Variants in PTPRT observed in about 807,000 individuals in gnomAD.
The protein encoded by PTPRT is receptor-type tyrosine-protein phosphatase T.
Under a neutral mutation model 176.8 loss-of-function variants are expected in PTPRT, and 56 were observed. The ratio of observed to expected loss-of-function variants is 0.32; its 90% CI spans 0.26 to 0.40. The LOEUF (loss-of-function observed/expected upper bound fraction) is 0.40. Among genes scored for constraint, PTPRT ranks in the 10% least tolerant of loss-of-function variants. The probability of loss-of-function intolerance (pLI) is 1.00; values close to 1 mark genes in which losing one functional copy is unlikely to be tolerated. For missense variants in PTPRT, 1,540 were observed against 1,908.2 expected (o/e 0.81, Z 3.60); for synonymous variants, 783 against 739.0 (o/e 1.06, Z -0.96).
At chr20:42,457,998 T>C (rs1264666961) in intron 8 of PTPRT, among the ~76,000 whole-genome samples, 1 of 152,148 alleles carries the variant, frequency 6.6e-6, no homozygotes, top group African/African-American at 2.4e-5. Context: ...CGCCCACTCC[T>C]GTTTTTAGCA....
Position 43,007,588 on chromosome 20 carries a change from G to T in PTPRT, c.89-121656C>A, listed in dbSNP as rs141930892. 6.8e-4 allele frequency among the ~76,000 whole-genome samples: 104 copies of T among 152,286 alleles called. No individual in the cohort carries two copies. The Middle Eastern group carries it at 0.01, about 15-fold the overall frequency. Reference sequence around the variant, plus strand: ...ATTATCCAATTTGAACCATGTAGGGGAATGTCTGGACAGAGCTCAGCAGAC... The same window carrying T: ...ATTATCCAATTTGAACCATGTAGGGTAATGTCTGGACAGAGCTCAGCAGAC... On this transcript the variant is annotated intron_variant, in intron 1 of 30. Transcript: ENST00000373187.
chr20:43,123,252 G>C (rs1277731320), intron 1 of PTPRT, among the ~76,000 whole-genome samples: 2 of 152,232 alleles, frequency 1.3e-5, no homozygotes, highest in Non-Finnish European at 2.9e-5. Flanking sequence ...ACAAGGGGAA[G>C]AGTAAAACTG....
intron 14 of PTPRT, among the ~76,000 whole-genome samples, chr20:42,242,383 A>G (rs2056371747): frequency 6.6e-6 from 1 of 152,210 alleles, no homozygotes; most frequent in African/African-American, 2.4e-5. Flanking sequence ...GGCACACTGG[A>G]GATGAAGATG....
chr20:42,318,771 G>C (rs982455173), intron 11 of PTPRT, among the ~76,000 whole-genome samples: 2 of 152,078 alleles, frequency 1.3e-5, no homozygotes, highest in Non-Finnish European at 2.9e-5. Context: ...TGCTTTCTCA[G>C]ACAGACTTCC....
intron 29 of PTPRT, among the ~76,000 whole-genome samples, chr20:42,083,823 A>T (rs1983603066): frequency 6.6e-6 from 1 of 152,350 alleles, no homozygotes; most frequent in Non-Finnish European, 1.5e-5. Context: ...AAGCAAAGTG[A>T]GTGTGAATCA....
At chr20:42,333,322 A>T (rs1186129481) in intron 11 of PTPRT, among the ~76,000 whole-genome samples, 1 of 152,168 alleles carries the variant, frequency 6.6e-6, no homozygotes, top group Non-Finnish European at 1.5e-5. Context: ...TATATTATTT[A>T]TATTAATATG....
chr20:42,645,327 T>A (rs944643486), intron 7 of PTPRT, among the ~76,000 whole-genome samples: 1 of 152,154 alleles, frequency 6.6e-6, no homozygotes, highest in Non-Finnish European at 1.5e-5. Flanking sequence ...GCGACCCTCA[T>A]CCAATGTCGG....
chr20:42,702,835 T>C (rs1262030118), intron 6 of PTPRT, among the ~76,000 whole-genome samples: 1 of 152,186 alleles, frequency 6.6e-6, no homozygotes, highest in Non-Finnish European at 1.5e-5. Flanking sequence ...CTAACACAGT[T>C]TATACTTCCC....
At chr20:43,055,033 T>C (rs532839164) in intron 1 of PTPRT, among the ~76,000 whole-genome samples, 2 of 152,316 alleles carry the variant, frequency 1.3e-5, no homozygotes, top group South Asian at 2.1e-4. Flanking sequence ...CACTCCTGAT[T>C]TCTAAAATCT....
chr20:42,605,591 G>C (rs2073862020), intron 7 of PTPRT, among the ~76,000 whole-genome samples: 1 of 152,186 alleles, frequency 6.6e-6, no homozygotes, highest in Non-Finnish European at 1.5e-5. Context: ...TCATACCTTG[G>C]AGGAAAGGGT....
At position 42,314,266 on chromosome 20, in the gene PTPRT, C is replaced by T. The variant is rs569330930; in HGVS notation, c.2139+1457G>A. 6.1e-4 allele frequency among the ~76,000 whole-genome samples: 93 copies of T among 152,082 alleles called. 1 individual carries two copies. Among genetic ancestry groups the T allele is most frequent in the Non-Finnish European group, 1.1e-3 (75 of 68,022 alleles). On this transcript the variant is annotated intron_variant, in intron 12 of 30. Coordinates refer to ENST00000373187, the MANE Select transcript of PTPRT (RefSeq NM_007050.6). Reference sequence around the variant, plus strand: ...CTTTGGGGCTGGGCACGGTGGCTCACGCCTGTAATCCCAGCACTTTGGGAG... The same window carrying T: ...CTTTGGGGCTGGGCACGGTGGCTCATGCCTGTAATCCCAGCACTTTGGGAG...
intron 6 of PTPRT, among the ~76,000 whole-genome samples, chr20:42,697,108 C>T (rs6102993): frequency 0.077 from 11,686 of 151,942 alleles, 498 homozygotes; most frequent in South Asian, 0.16. Context: ...AAGGTACAAG[C>T]GGATGCACCA....
chr20:42,082,721 A>T (rs1237404928), intron 29 of PTPRT, among the ~76,000 whole-genome samples: 1 of 152,226 alleles, frequency 6.6e-6, no homozygotes, highest in Non-Finnish European at 1.5e-5. Context: ...CTCCTTTCTG[A>T]AACTCCATAA....
At chr20:42,245,483 C>G (rs911386033) in intron 14 of PTPRT, among the ~76,000 whole-genome samples, 1 of 152,212 alleles carries the variant, frequency 6.6e-6, no homozygotes, top group Non-Finnish European at 1.5e-5. Flanking sequence ...CTCCCTCCCC[C>G]CGTTACAAAA....
intron 1 of PTPRT, 55 bp from the exon 2 acceptor site, chr20:42,885,987 T>C: frequency 6.7e-7 from 1 of 1,487,648 alleles, no homozygotes. Flanking sequence ...GCTTGGTTCG[T>C]TACCTCTGTC....
At chr20:42,853,283 T>C (rs1402280351) in intron 2 of PTPRT, among the ~76,000 whole-genome samples, 14 of 152,154 alleles carry the variant, frequency 9.2e-5, no homozygotes, top group Admixed American at 7.9e-4. Flanking sequence ...TATATAAAGA[T>C]ATATAAGAGG....
chr20:43,075,531 T>C (rs2011253239), intron 1 of PTPRT, among the ~76,000 whole-genome samples: 2 of 152,374 alleles, frequency 1.3e-5, no homozygotes, highest in African/African-American at 4.8e-5. Context: ...GAGCTGGGAT[T>C]CCTGCACATA....
At chr20:42,270,041 A>T (rs1040865223) in intron 13 of PTPRT, among the ~76,000 whole-genome samples, 1 of 151,900 alleles carries the variant, frequency 6.6e-6, no homozygotes, top group African/African-American at 2.4e-5. Context: ...TGGCAAATTT[A>T]TTTGTGTAGT....
chr20:42,526,967 T>C (rs1020616893), intron 7 of PTPRT, among the ~76,000 whole-genome samples: 1 of 135,684 alleles, frequency 7.4e-6, no homozygotes, highest in African/African-American at 2.8e-5. Context: ...TTTTTTTTTT[T>C]TTTTTTTTTT....
Sources: allele counts gnomAD v4.1 joint callset (sites outside exome capture counted in the v4.1 genomes callset), GRCh38; gene constraint gnomAD v4.1.1; transcripts MANE v1.5; gene names NCBI Gene and HGNC (gene_info 2026-07-23, HGNC 2026-07-21).